The following DTNA variants were observed in gnomAD, a reference collection of about 807,000 sequenced individuals.
The protein encoded by DTNA is dystrobrevin alpha.
In DTNA, 43 loss-of-function variants were observed where a neutral mutation model predicts 100.7. The observed-to-expected ratio is 0.43, with a 90% CI of 0.33 to 0.55. DTNA has a LOEUF of 0.55. Ranked by LOEUF, DTNA falls within the 20% of genes least tolerant of loss-of-function variation. The probability of loss-of-function intolerance (pLI) is 0.04; values close to 1 mark genes in which losing one functional copy is unlikely to be tolerated. For missense variants in DTNA, 798 were observed against 953.9 expected (o/e 0.84, Z 2.15); for synonymous variants, 349 against 347.9 (o/e 1.00, Z -0.04).
intron 4 of DTNA, among the ~76,000 whole-genome samples, chr18:34,796,844 A>T (rs953170124): frequency 6.6e-6 from 1 of 152,162 alleles, no homozygotes; most frequent in African/African-American, 2.4e-5. Context: ...GTAACCTGAG[A>T]TGAGGATTGA....
rs1372664179 is a variant in DTNA at position 34,495,847 on chromosome 18, C to CTTAGAGAATTACTCTCACATAT, written c.-2+2349_-2+2370dup. Among the ~76,000 whole-genome samples the CTTAGAGAATTACTCTCACATAT allele has an allele frequency of 3.8e-3, 581 of 152,278 alleles. 3 individuals carry two copies. The highest frequency in any genetic ancestry group is 0.031 in the Middle Eastern group (9 of 294). On this transcript the variant is annotated intron_variant, in intron 1 of 19. Transcript: ENST00000283365. ...TCTCAATGGGGTGAGCTCCAACTTA[C>CTTAGAGAATTACTCTCACATAT]TTAGAGAATTACTCTCACATATTTA...
chr18:34,790,348 A>G (rs1265060644), intron 3 of DTNA, among the ~76,000 whole-genome samples: 3 of 148,004 alleles, frequency 2.0e-5, no homozygotes, highest in Non-Finnish European at 4.5e-5. Context: ...TGCAAGGGGT[A>G]TAAAACCCGG....
At chr18:34,817,558 C>T (rs2095622552) in intron 7 of DTNA, among the ~76,000 whole-genome samples, 2 of 151,340 alleles carry the variant, frequency 1.3e-5, no homozygotes, top group African/African-American at 4.9e-5. Flanking sequence ...TTTTTTAGGG[C>T]CCTATACACC....
chr18:34,714,778 T>G (rs2083637364), intron 1 of DTNA, among the ~76,000 whole-genome samples: 1 of 152,152 alleles, frequency 6.6e-6, no homozygotes, highest in Admixed American at 6.5e-5. Context: ...TGTGGCATTA[T>G]TCACGATAGC....
chr18:34,590,700 A>T (rs529857840), intron 1 of DTNA, among the ~76,000 whole-genome samples: 30 of 152,334 alleles, frequency 2.0e-4, no homozygotes, highest in African/African-American at 6.5e-4. Flanking sequence ...TGCCTGTTAC[A>T]TGCCCAGTTT....
Position 34,889,959 on chromosome 18 carries a change from C to T in DTNA, c.*2225C>T, listed in dbSNP as rs535519619. Reference sequence around the variant, plus strand: ...AGCAGGTGGCCACTGGTGCCTCATACTCAGTATTGAAAACCACTACATCCC... The same window carrying T: ...AGCAGGTGGCCACTGGTGCCTCATATTCAGTATTGAAAACCACTACATCCC... On this transcript the variant is annotated 3_prime_UTR_variant, in exon 23 of 23. Coordinates refer to ENST00000444659, the MANE Select transcript of DTNA (RefSeq NM_001386795.1). 49 of 1,091,358 alleles carry T rather than the reference C, an allele frequency of 4.5e-5. No homozygotes were observed. The highest frequency in any genetic ancestry group is 5.2e-5 in the Non-Finnish European group (47 of 895,878). The allele number at this position is 1,091,358 out of a possible 1,614,324, so 67.6% of individuals were successfully genotyped here. A position where few individuals can be genotyped will look rare whatever the true frequency, so the allele number is the denominator to read the frequency against.
At chr18:34,664,171 A>G (rs2075588318) in intron 1 of DTNA, among the ~76,000 whole-genome samples, 1 of 152,146 alleles carries the variant, frequency 6.6e-6, no homozygotes, top group South Asian at 2.1e-4. Flanking sequence ...CATATTTGTC[A>G]ACCAAAACAT....
chr18:34,571,078 G>A (rs977416069), intron 1 of DTNA, among the ~76,000 whole-genome samples: 2 of 152,308 alleles, frequency 1.3e-5, no homozygotes, highest in African/African-American at 4.8e-5. Context: ...CTGAGGTTCG[G>A]TTAAGTTCCT....
intron 1 of DTNA, among the ~76,000 whole-genome samples, chr18:34,600,962 T>G (rs1598893310): frequency 6.6e-6 from 1 of 152,232 alleles, no homozygotes; most frequent in African/African-American, 2.4e-5. Flanking sequence ...GCATGCCATG[T>G]GGCCACACCT....
At chr18:34,549,797 A>G (rs1411504807) in intron 1 of DTNA, among the ~76,000 whole-genome samples, 1 of 152,092 alleles carries the variant, frequency 6.6e-6, no homozygotes, top group East Asian at 1.9e-4. Flanking sequence ...GCCTTTTATT[A>G]CTAATGATAA....
chr18:34,769,753 C>CTTTTTTTTTTTT (rs1568462894), intron 3 of DTNA, among the ~76,000 whole-genome samples: 22 of 33,206 alleles, frequency 6.6e-4, no homozygotes, highest in East Asian at 3.8e-3. Flanking sequence ...CAGAGTTTCA[C>CTTTTTTTTTTTT]TCTTTTTTCC....
At chr18:34,581,658 G>C (rs1025240476) in intron 1 of DTNA, among the ~76,000 whole-genome samples, 1 of 130,800 alleles carries the variant, frequency 7.6e-6, no homozygotes, top group African/African-American at 3.0e-5. Flanking sequence ...GTCTTGCTCT[G>C]TCACCAGGCT....
chr18:34,548,516 G>A (rs1160046885), intron 1 of DTNA, among the ~76,000 whole-genome samples: 1 of 152,068 alleles, frequency 6.6e-6, no homozygotes, highest in East Asian at 1.9e-4. Flanking sequence ...ATTTCTTTCA[G>A]CATTTAGAGT....
intron 1 of DTNA, among the ~76,000 whole-genome samples, chr18:34,718,098 G>T (rs971804029): frequency 2.6e-5 from 4 of 152,158 alleles, no homozygotes; most frequent in African/African-American, 7.2e-5. Flanking sequence ...GTCGATTACT[G>T]CATACAATGC....
chr18:34,569,717 G>A (rs1321855804), intron 1 of DTNA, among the ~76,000 whole-genome samples: 1 of 152,142 alleles, frequency 6.6e-6, no homozygotes, highest in African/African-American at 2.4e-5. Flanking sequence ...ATATTGCAGT[G>A]CACATCTGAA....
At chr18:34,650,421 GT>G (rs1320045259) in intron 1 of DTNA, among the ~76,000 whole-genome samples, 7 of 152,084 alleles carry the variant, frequency 4.6e-5, no homozygotes, top group African/African-American at 1.4e-4. Context: ...ATGTTTGTGT[GT>G]TTTTCCTACT....
intron 1 of DTNA, among the ~76,000 whole-genome samples, chr18:34,719,341 C>CCCAAAAAA (rs2084764664): frequency 7.5e-6 from 1 of 133,672 alleles, no homozygotes; most frequent in African/African-American, 2.9e-5. Context: ...GAGACTTCAT[C>CCCAAAAAA]TCAAAAAATA....
intron 4 of DTNA, among the ~76,000 whole-genome samples, chr18:34,796,464 A>AGTT (rs1394807019): frequency 6.6e-6 from 1 of 152,238 alleles, no homozygotes; most frequent in Non-Finnish European, 1.5e-5. Context: ...ACAGAGTCCA[A>AGTT]GTGTTTAAGA....
upstream of DTNA, among the ~76,000 whole-genome samples, chr18:34,705,560 TCTTTA>T (rs200667554): frequency 4.5e-3 from 686 of 152,314 alleles, 5 homozygotes; most frequent in African/African-American, 0.015. Flanking sequence ...TTATTTCACC[TCTTTA>T]AGCCTCAGAT....
Sources: gnomAD v4.1 joint callset for allele counts (sites outside exome capture counted in the v4.1 genomes callset) on GRCh38, gnomAD v4.1.1 for gene constraint, MANE v1.5 for transcripts, NCBI Gene and HGNC (gene_info 2026-07-23, HGNC 2026-07-21) for gene names.